CPE: variants seen among roughly 807,000 people sequenced by gnomAD.
CPE encodes the protein carboxypeptidase E.
In CPE, 17 loss-of-function variants were observed where a neutral mutation model predicts 53.5. That is an observed-to-expected ratio of 0.32 (90% CI 0.22 to 0.48). The LOEUF (loss-of-function observed/expected upper bound fraction) is 0.48. CPE is among the 20% of genes least tolerant of loss of function. The pLI is 0.99. For missense variants in CPE, 524 were observed against 614.7 expected (o/e 0.85, Z 1.56); for synonymous variants, 226 against 228.8 (o/e 0.99, Z 0.11).
At chr4:165,480,456 A>T (rs1186023850) in intron 3 of CPE, among the ~76,000 whole-genome samples, 1 of 152,238 alleles carries the variant, frequency 6.6e-6, no homozygotes, top group Non-Finnish European at 1.5e-5. Flanking sequence ...TAAAATATAA[A>T]CATCCCAGTA....
At chr4:165,481,239 A>T (rs1226285882) in intron 3 of CPE, among the ~76,000 whole-genome samples, 1 of 152,258 alleles carries the variant, frequency 6.6e-6, no homozygotes, top group East Asian at 1.9e-4. Context: ...TATGCTATTT[A>T]ACACACCCAA....
At chr4:165,405,380 C>T in intron 1 of CPE, 1 of 1,230,500 alleles carries the variant, frequency 8.1e-7, no homozygotes, top group African/African-American at 1.5e-5. Context: ...TGCAAGCTCT[C>T]CGAATTTCTG....
chr4:165,439,823 T>A (rs1731577482), intron 1 of CPE, among the ~76,000 whole-genome samples: 2 of 152,130 alleles, frequency 1.3e-5, no homozygotes, highest in South Asian at 4.1e-4. Context: ...AGAGCAAATG[T>A]CAACATTCTG....
intron 1 of CPE, among the ~76,000 whole-genome samples, chr4:165,424,671 T>C (rs112412526): frequency 0.29 from 44,527 of 151,266 alleles, 6,598 homozygotes; most frequent in Middle Eastern, 0.39. Context: ...GTACCTGGGA[T>C]TACAGGCGCC....
intron 1 of CPE, among the ~76,000 whole-genome samples, chr4:165,443,082 G>T (rs900908478): frequency 6.6e-6 from 1 of 152,112 alleles, no homozygotes; most frequent in African/African-American, 2.4e-5. Flanking sequence ...CATTAAAAGG[G>T]CCTAACTACA....
intron 1 of CPE, among the ~76,000 whole-genome samples, chr4:165,409,447 G>C (rs929715061): frequency 6.6e-6 from 1 of 152,038 alleles, no homozygotes; most frequent in Non-Finnish European, 1.5e-5. Context: ...CAAGTGATCC[G>C]CCCGCCTCAG....
intron 3 of CPE, among the ~76,000 whole-genome samples, chr4:165,479,705 T>A (rs1333459984): frequency 6.6e-6 from 1 of 152,156 alleles, no homozygotes; most frequent in Non-Finnish European, 1.5e-5. Context: ...ACTAAACAAC[T>A]CTTGCAAGTC....
intron 1 of CPE, among the ~76,000 whole-genome samples, chr4:165,417,673 T>A (rs1731147601): frequency 6.6e-6 from 1 of 151,876 alleles, no homozygotes; most frequent in Non-Finnish European, 1.5e-5. Context: ...GTTAACTAGA[T>A]CATATCAGTA....
intron 1 of CPE, among the ~76,000 whole-genome samples, chr4:165,424,160 C>G (rs1463503592): frequency 6.6e-6 from 1 of 151,522 alleles, no homozygotes; most frequent in Non-Finnish European, 1.5e-5. Flanking sequence ...AGATATTTTG[C>G]CTTTTCAAAT....
intron 1 of CPE, among the ~76,000 whole-genome samples, chr4:165,445,893 G>A (rs17502591): frequency 0.01 from 1,588 of 151,368 alleles, 12 homozygotes; most frequent in Non-Finnish European, 0.012. Context: ...TAGCAAAACA[G>A]CTTGATATGA....
chr4:165,455,300 TAGAC>T (rs1454668640), intron 1 of CPE, among the ~76,000 whole-genome samples: 1 of 152,184 alleles, frequency 6.6e-6, no homozygotes, highest in Non-Finnish European at 1.5e-5. Flanking sequence ...CTTAACTTCT[TAGAC>T]AAATTTATCT....
intron 8 of CPE, among the ~76,000 whole-genome samples, chr4:165,496,834 C>A (rs1233583620): frequency 2.0e-5 from 3 of 152,182 alleles, no homozygotes; most frequent in Non-Finnish European, 4.4e-5. Flanking sequence ...CTTCCACATT[C>A]CCTCCCACAT....
intron 3 of CPE, among the ~76,000 whole-genome samples, chr4:165,480,498 G>A (rs1270858231): frequency 6.6e-6 from 1 of 152,104 alleles, no homozygotes; most frequent in Non-Finnish European, 1.5e-5. Context: ...TACTAGTGTA[G>A]TGGCTGTGTA....
chr4:165,405,419 C>G (rs561914071), intron 1 of CPE: 2 of 916,332 alleles, frequency 2.2e-6, no homozygotes, highest in African/African-American at 3.2e-5. Flanking sequence ...AGCATCGCTC[C>G]CTTGCTCAAT....
At position 165,400,272 on chromosome 4, in the gene CPE, A is replaced by C. The variant is rs117420877; in HGVS notation, c.307+20744A>C. Among the ~76,000 whole-genome samples the C allele has an allele frequency of 3.1e-4, 47 of 152,340 alleles. No homozygotes were observed. In the East Asian group the frequency reaches 6.4e-3, roughly 21 times the overall value. On this transcript the variant is annotated intron_variant, in intron 1 of 8. Transcript: ENST00000402744. ...AGGAAAAGATTTAGGAATCACTTGC[A>C]TGACTGGTGAGGGTGAAAATGGTGA...
intron 1 of CPE, among the ~76,000 whole-genome samples, chr4:165,430,379 A>T (rs1472415623): frequency 3.3e-5 from 5 of 152,294 alleles, no homozygotes; most frequent in Admixed American, 3.3e-4. Context: ...TTTTGAGTTG[A>T]GTTTCCAAAT....
intron 1 of CPE, among the ~76,000 whole-genome samples, chr4:165,458,270 A>G (rs1215102806): frequency 6.6e-6 from 1 of 152,188 alleles, no homozygotes; most frequent in African/African-American, 2.4e-5. Flanking sequence ...GCTTTTGTGC[A>G]CATTTCATCA....
chr4:165,418,842 A>G (rs940975957), intron 1 of CPE, among the ~76,000 whole-genome samples: 7 of 152,348 alleles, frequency 4.6e-5, no homozygotes, highest in African/African-American at 1.7e-4. Context: ...TTTAAAGCAA[A>G]GAATTTTAAT....
rs943585216 is a variant in CPE, at chr4:165,452,295, A to G, written c.308-12095A>G. Reference sequence around the variant, plus strand: ...AAATAGCTAGAAGAGAAGAATTGCAATGTTTCCAGCACAAAGAAAAGATAA... The same window carrying G: ...AAATAGCTAGAAGAGAAGAATTGCAGTGTTTCCAGCACAAAGAAAAGATAA... On this transcript the variant is annotated intron_variant, in intron 1 of 8. Coordinates refer to ENST00000402744, the MANE Select transcript of CPE (RefSeq NM_001873.4). Among the ~76,000 whole-genome samples the G allele has an allele frequency of 5.3e-5, 8 of 152,324 alleles. No individual in the cohort carries two copies. In the East Asian group the frequency reaches 1.5e-3, roughly 29 times the overall value.
Sources: gnomAD v4.1 joint callset for allele counts (sites outside exome capture counted in the v4.1 genomes callset) on GRCh38, gnomAD v4.1.1 for gene constraint, MANE v1.5 for transcripts, NCBI Gene and HGNC (gene_info 2026-07-23, HGNC 2026-07-21) for gene names.